GFRA1: variants seen among roughly 807,000 people sequenced by gnomAD.
GFRA1 encodes the protein GDNF family receptor alpha-1.
GFRA1 carries 16 observed loss-of-function variants against 51.6 expected under a neutral mutation model. That is an observed-to-expected ratio of 0.31 (90% CI 0.21 to 0.47). GFRA1 has a LOEUF of 0.47. Ranked by LOEUF, GFRA1 falls within the 20% of genes least tolerant of loss-of-function variation. The pLI, the probability that GFRA1 is intolerant of heterozygous loss-of-function variation, is 1.00. For missense variants in GFRA1, 530 were observed against 594.3 expected, an observed-to-expected ratio of 0.89 and a Z score of 1.13; for synonymous variants, 270 against 241.3, an observed-to-expected ratio of 1.12 and a Z score of -1.10.
At chr10:116,268,585 A>G (rs1969852108) in intron 4 of GFRA1, among the ~76,000 whole-genome samples, 1 of 150,212 alleles carries the variant, frequency 6.7e-6, no homozygotes, top group South Asian at 2.1e-4. Context: ...TTCTGCAAAA[A>G]AACACAAAAC....
intron 5 of GFRA1, among the ~76,000 whole-genome samples, chr10:116,189,090 T>TA (rs137887314): frequency 0.056 from 6,317 of 112,092 alleles, 451 homozygotes; most frequent in African/African-American, 0.17. Context: ...CCTTGTCTCT[T>TA]AAAAAAAAAA....
At chr10:116,067,184 A>G (rs1955152922) in intron 9 of GFRA1, among the ~76,000 whole-genome samples, 1 of 152,224 alleles carries the variant, frequency 6.6e-6, no homozygotes, top group African/African-American at 2.4e-5. Context: ...CCTACTTTTA[A>G]TCTATATTAA....
intron 9 of GFRA1, among the ~76,000 whole-genome samples, chr10:116,071,773 T>A (rs1267806028): frequency 6.6e-6 from 1 of 152,212 alleles, no homozygotes; most frequent in Non-Finnish European, 1.5e-5. Context: ...CACTTAGAAA[T>A]GGTATGTCTA....
intron 4 of GFRA1, among the ~76,000 whole-genome samples, chr10:116,236,133 C>T (rs917180017): frequency 6.6e-6 from 1 of 152,124 alleles, no homozygotes; most frequent in Non-Finnish European, 1.5e-5. Flanking sequence ...GCGATTGCTA[C>T]AAGCACATAA....
At chr10:116,095,082 G>C (rs11197526) in intron 7 of GFRA1, among the ~76,000 whole-genome samples, 1 of 152,214 alleles carries the variant, frequency 6.6e-6, no homozygotes, top group Non-Finnish European at 1.5e-5. Flanking sequence ...TTTAAGGTTT[G>C]CCAAGCCTAG....
intron 4 of GFRA1, among the ~76,000 whole-genome samples, chr10:116,256,377 C>T (rs999340247): frequency 1.2e-4 from 19 of 152,284 alleles, no homozygotes; most frequent in South Asian, 8.3e-4. Context: ...AGGGTCCACC[C>T]GGTAGGTCCT....
chr10:116,259,536 A>G (rs1969144490), intron 4 of GFRA1, among the ~76,000 whole-genome samples: 1 of 152,228 alleles, frequency 6.6e-6, no homozygotes, highest in Non-Finnish European at 1.5e-5. Context: ...TTGTCAATTA[A>G]GAACCCATCA....
At chr10:116,232,629 G>C (rs377288350) in intron 4 of GFRA1, among the ~76,000 whole-genome samples, 1 of 152,158 alleles carries the variant, frequency 6.6e-6, no homozygotes, top group South Asian at 2.1e-4. Context: ...TAGATAGAGA[G>C]AAAAGGAGAA....
chr10:116,097,261 G>A (rs1291890275), intron 6 of GFRA1, among the ~76,000 whole-genome samples: 1 of 152,168 alleles, frequency 6.6e-6, no homozygotes, highest in East Asian at 1.9e-4. Flanking sequence ...TTTCTGTCTT[G>A]TAAGTCACCT....
chr10:116,220,005 G>C (rs1335951833), intron 4 of GFRA1, among the ~76,000 whole-genome samples: 1 of 151,992 alleles, frequency 6.6e-6, no homozygotes, highest in Non-Finnish European at 1.5e-5. Context: ...CAGTTCTAAA[G>C]CACGATGTTT....
At chr10:116,222,506 G>A (rs1240865988) in intron 4 of GFRA1, among the ~76,000 whole-genome samples, 1 of 152,152 alleles carries the variant, frequency 6.6e-6, no homozygotes, top group Non-Finnish European at 1.5e-5. Flanking sequence ...GTCATGGATT[G>A]CATTTTGATC....
intron 5 of GFRA1, among the ~76,000 whole-genome samples, chr10:116,173,062 A>G (rs981766476): frequency 2.0e-5 from 3 of 152,222 alleles, no homozygotes; most frequent in African/African-American, 7.2e-5. Flanking sequence ...TAACACACGC[A>G]TTTGTGGAAT....
chr10:116,269,299 CA>C (rs1043060919), intron 4 of GFRA1, among the ~76,000 whole-genome samples: 2 of 152,154 alleles, frequency 1.3e-5, no homozygotes, highest in African/African-American at 4.8e-5. Context: ...CACCACACCA[CA>C]TTACTTCATT....
intron 5 of GFRA1, among the ~76,000 whole-genome samples, chr10:116,168,220 T>A (rs1208590099): frequency 6.6e-6 from 1 of 151,554 alleles, no homozygotes; most frequent in East Asian, 2.0e-4. Flanking sequence ...ACCTGCTAAG[T>A]ACAAGGCACT....
chr10:116,065,473 A>G (rs1955059427), intron 10 of GFRA1, 100 bp downstream of exon 10: 2 of 929,746 alleles, frequency 2.2e-6, no homozygotes, highest in African/African-American at 1.6e-5. Context: ...TGGACTGGAT[A>G]CCTTCTTGTC....
chr10:116,137,322 A>C (rs1344213625), intron 5 of GFRA1, among the ~76,000 whole-genome samples: 4 of 152,228 alleles, frequency 2.6e-5, no homozygotes, highest in African/African-American at 4.8e-5. Context: ...GATAATAATG[A>C]ATCATTGATG....
chr10:116,107,047 G>C (rs145447405), intron 6 of GFRA1, among the ~76,000 whole-genome samples: 250 of 152,280 alleles, frequency 1.6e-3, no homozygotes, highest in African/African-American at 5.6e-3. Flanking sequence ...TTCCTGTACA[G>C]CCTGTAGAAC....
intron 4 of GFRA1, among the ~76,000 whole-genome samples, chr10:116,222,207 A>G (rs1965972462): frequency 6.6e-6 from 1 of 151,876 alleles, no homozygotes; most frequent in Admixed American, 6.6e-5. Context: ...TTATTTATTT[A>G]TTTATTTTGG....
At chr10:116,189,690 C>T (rs547337115) in intron 5 of GFRA1, among the ~76,000 whole-genome samples, 1 of 152,280 alleles carries the variant, frequency 6.6e-6, no homozygotes, top group African/African-American at 2.4e-5. Flanking sequence ...AGGTTGAGAA[C>T]CACTGACTTC....
Sources: allele counts gnomAD v4.1 joint callset (sites outside exome capture counted in the v4.1 genomes callset), GRCh38; gene constraint gnomAD v4.1.1; transcripts MANE v1.5; gene names NCBI Gene and HGNC (gene_info 2026-07-23, HGNC 2026-07-21).